Variants in MIR2052HG observed in about 807,000 individuals in gnomAD.
MIR2052HG encodes the protein MIR2052 host gene.
intron 4 of MIR2052HG, among the ~76,000 whole-genome samples, chr8:74,739,782 A>AT (rs1340883502): frequency 6.6e-6 from 1 of 152,080 alleles, no homozygotes; most frequent in East Asian, 1.9e-4. Context: ...CATCATAAAT[A>AT]TTTTTTTAAA....
intron 4 of MIR2052HG, among the ~76,000 whole-genome samples, chr8:74,704,484 C>A (rs1809388938): frequency 6.6e-6 from 1 of 152,026 alleles, no homozygotes; most frequent in Non-Finnish European, 1.5e-5. Context: ...GGAGATCCAG[C>A]AATTTCTTTT....
chr8:74,619,105 A>G (rs1281378342), intron 2 of MIR2052HG, among the ~76,000 whole-genome samples: 1 of 152,190 alleles, frequency 6.6e-6, no homozygotes, highest in East Asian at 1.9e-4. Flanking sequence ...ATTATAAAAC[A>G]TTTTTGCAAG....
chr8:74,666,052 G>A (rs188757607), intron 2 of MIR2052HG, among the ~76,000 whole-genome samples: 4 of 152,266 alleles, frequency 2.6e-5, no homozygotes, highest in Middle Eastern at 3.4e-3. Flanking sequence ...TGTCGGCAGT[G>A]TGAGAACAGA....
intron 4 of MIR2052HG, among the ~76,000 whole-genome samples, chr8:74,708,897 G>A (rs1809439435): frequency 1.3e-5 from 2 of 151,892 alleles, no homozygotes; most frequent in Non-Finnish European, 2.9e-5. Flanking sequence ...GAACTTCACT[G>A]AACTGTAAGA....
At chr8:74,693,134 T>G (rs1809256688) in intron 2 of MIR2052HG, among the ~76,000 whole-genome samples, 1 of 152,222 alleles carries the variant, frequency 6.6e-6, no homozygotes, top group South Asian at 2.1e-4. Flanking sequence ...CAACTCAATG[T>G]TTCTATGTTT....
chr8:74,758,061 A>T (rs1457954874), intron 5 of MIR2052HG: 1 of 152,112 alleles, frequency 6.6e-6, no homozygotes, highest in Non-Finnish European at 1.5e-5. Flanking sequence ...TATTTAATTA[A>T]ATCTATTGCA....
At chr8:74,600,702 A>G (rs1807987467) in intron 1 of MIR2052HG, among the ~76,000 whole-genome samples, 2 of 151,888 alleles carry the variant, frequency 1.3e-5, no homozygotes, top group African/African-American at 4.8e-5. Context: ...CAGCCTCCCA[A>G]GTAGCTGGGA....
intron 4 of MIR2052HG, among the ~76,000 whole-genome samples, chr8:74,739,276 T>C (rs1202409300): frequency 6.6e-6 from 1 of 152,210 alleles, no homozygotes; most frequent in Non-Finnish European, 1.5e-5. Context: ...AGATGATCTT[T>C]TTACTGCTTT....
At chr8:74,638,059 T>C (rs2128735014) in intron 2 of MIR2052HG, among the ~76,000 whole-genome samples, 1 of 152,186 alleles carries the variant, frequency 6.6e-6, no homozygotes, top group South Asian at 2.1e-4. Flanking sequence ...CAAAAAATTA[T>C]AGGGATATTA....
At chr8:74,664,168 A>G (rs1482134974) in intron 2 of MIR2052HG, among the ~76,000 whole-genome samples, 2 of 151,908 alleles carry the variant, frequency 1.3e-5, no homozygotes, top group Non-Finnish European at 2.9e-5. Flanking sequence ...AAAACTATGT[A>G]TTGCGTACGA....
In MIR2052HG at chr8:74,611,170, C is replaced by T. The variant is rs77429070; in HGVS notation, n.129-1683C>T. 6.0e-3 allele frequency among the ~76,000 whole-genome samples: 905 copies of T among 151,960 alleles called. 6 individuals are homozygous for T. Among genetic ancestry groups the T allele is most frequent in the Non-Finnish European group, 9.3e-3 (633 of 67,902 alleles). ...AATATTGGCAAAATATTTGAATAGA[C>T]GCTACATCAGAAAATATATATAATG... is the stretch of plus-strand genomic sequence containing the variant. On this transcript the variant is annotated intron_variant and non_coding_transcript_variant, in intron 1 of 6. Transcript: ENST00000523442.
At chr8:74,640,086 A>G (rs1167628689) in intron 2 of MIR2052HG, among the ~76,000 whole-genome samples, 1 of 152,082 alleles carries the variant, frequency 6.6e-6, no homozygotes, top group Non-Finnish European at 1.5e-5. Flanking sequence ...TCACTTCTTT[A>G]ATCCATAGTT....
chr8:74,703,299 C>G (rs1809375990), intron 3 of MIR2052HG, among the ~76,000 whole-genome samples: 1 of 151,978 alleles, frequency 6.6e-6, no homozygotes, highest in Admixed American at 6.6e-5. Context: ...TAAATATAGA[C>G]TTAAGGAAGG....
At chr8:74,750,116 C>G (rs908594622) in intron 4 of MIR2052HG, among the ~76,000 whole-genome samples, 43 of 152,102 alleles carry the variant, frequency 2.8e-4, no homozygotes, top group African/African-American at 9.4e-4. Flanking sequence ...GTAATTGTTT[C>G]ATTTTGGGTG....
intron 2 of MIR2052HG, among the ~76,000 whole-genome samples, chr8:74,675,435 A>C (rs1200665606): frequency 6.6e-6 from 1 of 152,046 alleles, no homozygotes; most frequent in African/African-American, 2.4e-5. Context: ...GTATTCCAGA[A>C]GGTATGAATG....
chr8:74,656,281 A>T (rs1289895746), intron 2 of MIR2052HG, among the ~76,000 whole-genome samples: 2 of 152,062 alleles, frequency 1.3e-5, no homozygotes, highest in Admixed American at 6.5e-5. Context: ...TGGTTTTGAA[A>T]TGTGAGGGCA....
intron 4 of MIR2052HG, among the ~76,000 whole-genome samples, chr8:74,740,251 G>A (rs915937537): frequency 2.0e-5 from 3 of 152,118 alleles, no homozygotes; most frequent in Non-Finnish European, 4.4e-5. Flanking sequence ...ATCATCTGAG[G>A]TCAGGAGTTC....
rs72667589 is a variant in MIR2052HG at position 74,707,390 on chromosome 8, G to A, written n.371+3708G>A. ...TGAAATAAAAATAAAATACATACAAGCAATTAGGATAGTATCGATATGGTA... is the reference window on the plus strand; with the variant it reads ...TGAAATAAAAATAAAATACATACAAACAATTAGGATAGTATCGATATGGTA... On this transcript the variant is annotated intron_variant and non_coding_transcript_variant, in intron 4 of 6. Coordinates refer to ENST00000523442, the Ensembl canonical transcript of MIR2052HG. Among the ~76,000 whole-genome samples the A allele has an allele frequency of 3.7e-3, 569 of 152,200 alleles. 3 individuals carry two copies. Among genetic ancestry groups the A allele is most frequent in the South Asian group, 0.011 (51 of 4,830 alleles).
intron 4 of MIR2052HG, among the ~76,000 whole-genome samples, chr8:74,708,893 C>T (rs1402196720): frequency 6.6e-6 from 1 of 151,828 alleles, no homozygotes; most frequent in Non-Finnish European, 1.5e-5. Flanking sequence ...TTGGGAACTT[C>T]ACTGAACTGT....
Sources: gnomAD v4.1 joint callset for allele counts (sites outside exome capture counted in the v4.1 genomes callset) on GRCh38, gnomAD v4.1.1 for gene constraint, MANE v1.5 for transcripts, NCBI Gene and HGNC (gene_info 2026-07-23, HGNC 2026-07-21) for gene names.